The following USP53 variants were observed in gnomAD, a reference collection of about 807,000 sequenced individuals.
The protein encoded by USP53 is ubiquitin carboxyl-terminal hydrolase 53.
In USP53, 71 loss-of-function variants were observed where a neutral mutation model predicts 94.9. The ratio of observed to expected loss-of-function variants is 0.75; its 90% CI spans 0.62 to 0.91. The LOEUF (loss-of-function observed/expected upper bound fraction) is 0.91, where lower values mean the gene tolerates loss of function less well. Among genes scored for constraint, USP53 ranks in the 40% least tolerant of loss-of-function variants. USP53 has a pLI of 0.00. For synonymous variants in USP53, 375 were observed against 422.7 expected, an observed-to-expected ratio of 0.89 and a Z score of 1.39; for missense variants, 1,173 against 1,281.0, an observed-to-expected ratio of 0.92 and a Z score of 1.29.
chr4:119,267,508 A>T, intron 13 of USP53, 26 bp downstream of exon 13: 2 of 1,596,766 alleles, frequency 1.3e-6, no homozygotes, highest in Non-Finnish European at 1.7e-6. Flanking sequence ...AAAAATTCTC[A>T]ATGTTTTTCT....
intron 3 of USP53, among the ~76,000 whole-genome samples, chr4:119,233,523 T>C (rs1746342859): frequency 6.6e-6 from 1 of 152,134 alleles, no homozygotes; most frequent in African/African-American, 2.4e-5. Flanking sequence ...TGAGAAGTGT[T>C]TATATTTTCT....
At position 119,256,257 on chromosome 4, in the gene USP53, G is replaced by A; in HGVS notation, c.384G>A (p.Leu128=). The change falls in exon 8 of 19, where the codon TTG becomes TTA. Residue 128 remains leucine, a synonymous_variant. Transcript: ENST00000692078. ...TATTTTTAAATTAGGAAAATATGTT[G>A]GAGAGGATTCATTTTCACATAGTGC... ...DDAAECFENM[L]ERIHFHIVPS... 6.2e-7 allele frequency: 1 copy of A among 1,611,458 alleles called. No homozygotes were observed. The highest frequency in any genetic ancestry group is 8.5e-7 in the Non-Finnish European group (1 of 1,179,080).
chr4:119,218,193 A>G (rs917784469), intron 3 of USP53: 1 of 152,204 alleles, frequency 6.6e-6, no homozygotes, highest in Non-Finnish European at 1.5e-5. Flanking sequence ...CAGCAACTGG[A>G]AAGATAAAGT....
intron 17 of USP53, among the ~76,000 whole-genome samples, chr4:119,280,182 T>G (rs1035296768): frequency 6.6e-6 from 1 of 152,188 alleles, no homozygotes; most frequent in African/African-American, 2.4e-5. Flanking sequence ...AAAGATAGCA[T>G]TAGATTGCTT....
In USP53 at chr4:119,228,675, A is replaced by G. The variant is rs543130178; in HGVS notation, c.-664-6615A>G. Among the ~76,000 whole-genome samples, 3 of 152,228 alleles carry G rather than the reference A, an allele frequency of 2.0e-5. No individual in the cohort carries two copies. The East Asian group carries it at 5.8e-4, about 30-fold the overall frequency. On this transcript the variant is annotated intron_variant, in intron 3 of 18. Transcript: ENST00000692078. ...AAATGTTCTATAGCTTGATTGTGGT[A>G]ATGGTTACATGACTGTAGGTTTGTC...
intron 3 of USP53, among the ~76,000 whole-genome samples, chr4:119,226,102 A>G (rs936785917): frequency 6.6e-6 from 1 of 152,228 alleles, no homozygotes; most frequent in South Asian, 2.1e-4. Flanking sequence ...AATTTAAAAA[A>G]TTTTGACAAA....
intron 5 of USP53, among the ~76,000 whole-genome samples, chr4:119,243,420 C>T (rs776117233): frequency 3.8e-4 from 58 of 152,220 alleles, no homozygotes; most frequent in Non-Finnish European, 7.9e-4. Context: ...ATTGCTTGAA[C>T]CCAGGAGGTG....
chr4:119,293,022 A>G lies in USP53; in HGVS notation c.3033A>G (p.Ser1011=), dbSNP rs775799185. 1 of 1,613,752 alleles carries G rather than the reference A, an allele frequency of 6.2e-7. No homozygotes were observed. Residue 1011 remains serine (S), a synonymous_variant, in exon 19 of 19, where the codon TCA becomes TCG. Transcript: ENST00000692078. ...SSSTNDFQAN[S]GAIDAFCQPE... ...CAACTAACGATTTTCAGGCAAACTC[A>G]GGTGCCATTGATGCATTTTGCCAAC...
intron 17 of USP53, among the ~76,000 whole-genome samples, chr4:119,283,394 A>AT (rs1753727823): frequency 6.6e-6 from 1 of 151,904 alleles, no homozygotes; most frequent in Non-Finnish European, 1.5e-5. Flanking sequence ...AATTTGTGCT[A>AT]TTTTTTAATC....
chr4:119,229,772 A>G (rs774238693), intron 3 of USP53, among the ~76,000 whole-genome samples: 1 of 152,124 alleles, frequency 6.6e-6, no homozygotes, highest in Non-Finnish European at 1.5e-5. Context: ...AATTCATCTT[A>G]TTCATTGCCA....
intron 3 of USP53, among the ~76,000 whole-genome samples, chr4:119,223,932 A>T (rs1744889873): frequency 6.6e-6 from 1 of 152,202 alleles, no homozygotes; most frequent in Admixed American, 6.5e-5. Context: ...TTTGCATCAC[A>T]GTCTAAGTAC....
At chr4:119,275,654 T>C (rs994369292) in intron 17 of USP53, among the ~76,000 whole-genome samples, 2 of 152,058 alleles carry the variant, frequency 1.3e-5, no homozygotes, top group Admixed American at 1.3e-4. Flanking sequence ...GGTAGCTTGA[T>C]GGGGATAGCA....
At chr4:119,276,537 C>T (rs1287592810) in intron 17 of USP53, among the ~76,000 whole-genome samples, 1 of 151,014 alleles carries the variant, frequency 6.6e-6, no homozygotes, top group African/African-American at 2.4e-5. Context: ...CAATGTTCAT[C>T]AAGGATATTG....
intron 3 of USP53, among the ~76,000 whole-genome samples, chr4:119,223,353 G>A (rs777617946): frequency 7.2e-5 from 11 of 152,182 alleles, no homozygotes; most frequent in African/African-American, 1.9e-4. Context: ...CAGACGAATC[G>A]TTAGCCAGAT....
In USP53 at chr4:119,271,653, G is replaced by C. The variant is rs773664115; in HGVS notation, c.1793G>C (p.Ser598Thr). ...ACATTAAATGTTGATAGTATTTTTAGTGAAAGTGAAAAAAGACAGCATAGT... is the reference window on the plus strand; with the variant it reads ...ACATTAAATGTTGATAGTATTTTTACTGAAAGTGAAAAAAGACAGCATAGT... ...RETLNVDSIF[S>T]ESEKRQHSPR... Residue 598 changes from serine (S) to threonine (T), a missense_variant, in exon 16 of 19, where the codon AGT becomes ACT. Physicochemically the swap from Ser to Thr is moderately conservative, Grantham distance 58 (BLOSUM62 1). Transcript: ENST00000692078. 6.8e-6 allele frequency: 11 copies of C among 1,613,802 alleles called. No individual in the cohort carries two copies. The South Asian group carries it at 1.2e-4, about 18-fold the overall frequency.
At chr4:119,269,924 A>G in intron 15 of USP53, 87 bp downstream of exon 15, 1 of 702,896 alleles carries the variant, frequency 1.4e-6, no homozygotes, top group Non-Finnish European at 1.9e-6. Context: ...TAATTTCTGT[A>G]TATGTTAAAT....
intron 5 of USP53, 35 bp downstream of exon 5, chr4:119,239,938 T>A (rs1267907324): frequency 7.3e-6 from 10 of 1,376,754 alleles, no homozygotes; most frequent in Non-Finnish European, 9.5e-6. Context: ...TTAAAAAAAA[T>A]ACTTTTCAGA....
intron 7 of USP53, among the ~76,000 whole-genome samples, chr4:119,255,026 C>T (rs182925768): frequency 6.6e-6 from 1 of 152,188 alleles, no homozygotes; most frequent in Non-Finnish European, 1.5e-5. Context: ...CACTCCAGAC[C>T]CTGTTTGCCT....
At chr4:119,291,143 T>TGGCCCC in intron 17 of USP53, 22 bp from the exon 18 acceptor site, 11 of 747,444 alleles carry the variant, frequency 1.5e-5, no homozygotes, top group East Asian at 3.1e-5. Context: ...TCATCTCTTC[T>TGGCCCC]CCCCACCCCA....
Sources: allele counts gnomAD v4.1 joint callset (sites outside exome capture counted in the v4.1 genomes callset), GRCh38; gene constraint gnomAD v4.1.1; transcripts MANE v1.5; gene names NCBI Gene and HGNC (gene_info 2026-07-23, HGNC 2026-07-21).